CLK4: variants seen among roughly 807,000 people sequenced by gnomAD.
CLK4 encodes dual specificity protein kinase CLK4.
Under a neutral mutation model 64.4 loss-of-function variants are expected in CLK4, and 37 were observed. The ratio of observed to expected loss-of-function variants is 0.57; its 90% CI spans 0.44 to 0.76. The LOEUF (loss-of-function observed/expected upper bound fraction) is 0.76, where lower values mean the gene tolerates loss of function less well. Among genes scored for constraint, CLK4 ranks in the 30% least tolerant of loss-of-function variants. The pLI, the probability that CLK4 is intolerant of heterozygous loss-of-function variation, is 0.00. For synonymous variants in CLK4, 175 were observed against 191.6 expected (o/e 0.91, Z 0.72); for missense variants, 457 against 605.1 (o/e 0.76, Z 2.57).
At chr5:178,621,914 T>C (rs994264128) in intron 2 of CLK4, 2 of 152,166 alleles carry the variant, frequency 1.3e-5, no homozygotes, top group African/African-American at 2.4e-5. Flanking sequence ...TTTTTCAGTT[T>C]TTTGTTATTT....
intron 5 of CLK4, among the ~76,000 whole-genome samples, chr5:178,615,166 C>A: frequency 6.6e-6 from 1 of 152,090 alleles, no homozygotes. Flanking sequence ...GCCAGAGCAA[C>A]ACAGTGAGAC....
chr5:178,623,282 T>C lies in CLK4; in HGVS notation c.135A>G (p.Pro45=). The C allele has an allele frequency of 6.2e-7, 1 of 1,613,942 alleles. No individual in the cohort carries two copies. The highest frequency in any genetic ancestry group is 8.5e-7 in the Non-Finnish European group (1 of 1,179,892). The part of the protein sequence containing the change: ...SSTQENRHCK[P]HHQFKESDCH... ...AATCAGATTCTTTAAACTGGTGATG[T>C]GGTTTACAATGCCTGTTCTCTTGTG... Residue 45 remains proline, a synonymous_variant, in exon 2 of 13, where the codon CCA becomes CCG. Coordinates refer to ENST00000316308, the MANE Select transcript of CLK4 (RefSeq NM_020666.3).
Position 178,608,360 on chromosome 5 carries a change from T to C in CLK4, c.1134+16A>G. On this transcript the variant is annotated intron_variant, in intron 10 of 12. Transcript: ENST00000316308. The stretch of plus-strand genomic sequence containing the variant: ...ATTTGTTATGAATTATTAAATGGAA[T>C]TTACTAGCCACGTACCTGAAAGACT... The C allele has an allele frequency of 1.9e-6, 3 of 1,539,064 alleles. No individual in the cohort carries two copies. The highest frequency in any genetic ancestry group is 2.6e-6 in the Non-Finnish European group (3 of 1,133,364).
At chr5:178,615,902 A>C (rs1369581927) in intron 5 of CLK4, among the ~76,000 whole-genome samples, 3 of 152,192 alleles carry the variant, frequency 2.0e-5, no homozygotes, top group African/African-American at 7.2e-5. Context: ...AAATGTCTTT[A>C]TAGTTTAGGA....
rs138435764 is a variant in CLK4, at chr5:178,612,487, G to A, written c.980C>T (p.Ala327Val). 9 of 1,613,804 alleles carry A rather than the reference G, an allele frequency of 5.6e-6. No homozygotes were observed. Among genetic ancestry groups the A allele is most frequent in the Non-Finnish European group, 2.5e-6 (3 of 1,179,862 alleles). Reference protein sequence around the residue: ...TDIKVVDFGSATYDDEHHSTL... With the variant: ...TDIKVVDFGSVTYDDEHHSTL... ...ACTGTGATGTTCATCATCATACGTTGCACTTCCAAAGTCAACAACTTTGAT... is the reference window on the plus strand; with the variant it reads ...ACTGTGATGTTCATCATCATACGTTACACTTCCAAAGTCAACAACTTTGAT... The change falls in exon 9 of 13, where the codon GCA becomes GTA. Residue 327 changes from alanine (A) to valine (V), a missense_variant. Transcript: ENST00000316308.
intron 1 of CLK4, among the ~76,000 whole-genome samples, chr5:178,625,428 A>C (rs1212540165): frequency 9.3e-4 from 2 of 2,158 alleles, no homozygotes; most frequent in African/African-American, 5.4e-3. Context: ...GTCTCAAAAA[A>C]AAAAAAAAAA....
chr5:178,605,293 T>TA lies in CLK4; in HGVS notation c.1214+9dup, dbSNP rs776079002. The TA allele has an allele frequency of 6.5e-7, 1 of 1,548,124 alleles. No individual in the cohort carries two copies. The highest frequency in any genetic ancestry group is 2.3e-5 in the East Asian group (1 of 43,224). ...CATATCCAACAAAAGTCTTGAATCT[T>TA]AAAACATACCTTGTTTTCTGAATCA... On this transcript the variant is annotated intron_variant, in intron 11 of 12. Coordinates refer to ENST00000316308, the MANE Select transcript of CLK4 (RefSeq NM_020666.3).
chr5:178,619,403 T>C (rs537578928), intron 2 of CLK4, among the ~76,000 whole-genome samples: 6 of 152,350 alleles, frequency 3.9e-5, no homozygotes, highest in Non-Finnish European at 5.9e-5. Flanking sequence ...CCTCTACTCT[T>C]TGCATTTCTA....
intron 10 of CLK4, among the ~76,000 whole-genome samples, chr5:178,607,975 G>A (rs1764492054): frequency 6.6e-6 from 1 of 152,152 alleles, no homozygotes; most frequent in South Asian, 2.1e-4. Flanking sequence ...ATACTTAAGA[G>A]TAAAATACAA....
rs574316539 is a variant in CLK4, at chr5:178,610,799, C to T, written c.1051+1617G>A. Among the ~76,000 whole-genome samples, 258 of 151,974 alleles carry T rather than the reference C, an allele frequency of 1.7e-3. 2 individuals are homozygous for T. The highest frequency in any genetic ancestry group is 5.7e-3 in the African/African-American group (238 of 41,422). Reference sequence around the variant, plus strand: ...AAAAAAAAAAATCCTTGGCCGGGCGCGGTGGCTCACGCCTGTAATCCAAGC... The same window carrying T: ...AAAAAAAAAAATCCTTGGCCGGGCGTGGTGGCTCACGCCTGTAATCCAAGC... On this transcript the variant is annotated intron_variant, in intron 9 of 12. Transcript: ENST00000316308.
In CLK4 at chr5:178,623,750, G is replaced by A. The variant is rs192680466; in HGVS notation, c.1-334C>T. Among the ~76,000 whole-genome samples the A allele has an allele frequency of 8.0e-3, 1,212 of 151,910 alleles. 13 individuals are homozygous for A. The highest frequency in any genetic ancestry group is 0.012 in the Non-Finnish European group (782 of 67,972). ...TTTAAAAATTAAAAAAAAGCCGGGGGGGGCAAATAAAAAGGTTCAGGCCTA... is the reference window on the plus strand; with the variant it reads ...TTTAAAAATTAAAAAAAAGCCGGGGAGGGCAAATAAAAAGGTTCAGGCCTA... On this transcript the variant is annotated intron_variant, in intron 1 of 12. Transcript: ENST00000316308.
At chr5:178,626,839 C>A (rs902087238) in intron 1 of CLK4, 107 bp downstream of exon 1, 1 of 152,736 alleles carries the variant, frequency 6.5e-6, no homozygotes, top group East Asian at 1.9e-4. Flanking sequence ...ACTCCCAACT[C>A]AGCTCCAGAA....
At chr5:178,614,644 T>C (rs1467056076) in intron 5 of CLK4, among the ~76,000 whole-genome samples, 1 of 152,208 alleles carries the variant, frequency 6.6e-6, no homozygotes, top group Non-Finnish European at 1.5e-5. Flanking sequence ...CATACCCATC[T>C]CTTACTAGTG....
intron 2 of CLK4, among the ~76,000 whole-genome samples, chr5:178,619,482 C>CT (rs1276857269): frequency 6.6e-6 from 1 of 152,180 alleles, no homozygotes; most frequent in African/African-American, 2.4e-5. Context: ...CCAAAGGCAT[C>CT]TAAAATATAT....
At chr5:178,615,122 A>G (rs555775601) in intron 5 of CLK4, among the ~76,000 whole-genome samples, 1 of 152,312 alleles carries the variant, frequency 6.6e-6, no homozygotes, top group East Asian at 1.9e-4. Context: ...AGGCTGAGGC[A>G]GAAGGATCAC....
At chr5:178,625,246 G>A (rs1046454641) in intron 1 of CLK4, among the ~76,000 whole-genome samples, 4 of 152,026 alleles carry the variant, frequency 2.6e-5, no homozygotes, top group Admixed American at 1.3e-4. Context: ...AGACTGGCCT[G>A]GGCAACACGG....
At chr5:178,609,442 G>A (rs1764521127) in intron 9 of CLK4, among the ~76,000 whole-genome samples, 1 of 152,124 alleles carries the variant, frequency 6.6e-6, no homozygotes, top group Admixed American at 6.6e-5. Context: ...CAGCACTTTG[G>A]GAGGCCGAGG....
intron 6 of CLK4, 28 bp from the exon 7 acceptor site, chr5:178,613,667 T>C: frequency 6.2e-7 from 1 of 1,605,370 alleles, no homozygotes; most frequent in Non-Finnish European, 8.5e-7. Flanking sequence ...AATAATTCAG[T>C]TTATGGAAAC....
intron 9 of CLK4, among the ~76,000 whole-genome samples, chr5:178,611,777 A>C (rs1447800477): frequency 6.6e-6 from 1 of 152,258 alleles, no homozygotes; most frequent in Non-Finnish European, 1.5e-5. Flanking sequence ...AGCTTATTAC[A>C]TTCAACTCTC....
Sources: allele counts gnomAD v4.1 joint callset (sites outside exome capture counted in the v4.1 genomes callset), GRCh38; gene constraint gnomAD v4.1.1; transcripts MANE v1.5; gene names NCBI Gene and HGNC (gene_info 2026-07-23, HGNC 2026-07-21).